Variants in EFCAB13 observed in about 807,000 individuals in gnomAD.
The protein encoded by EFCAB13 is EF-hand calcium binding domain 13, also known as EF-hand calcium-binding domain-containing protein 13.
EFCAB13 carries 91 observed loss-of-function variants against 110.2 expected under a neutral mutation model. The observed-to-expected ratio is 0.83, with a 90% CI of 0.70 to 0.98. The LOEUF is 0.98. Ranked by LOEUF, EFCAB13 falls within the 50% of genes least tolerant of loss-of-function variation. EFCAB13 has a pLI of 0.00. For synonymous variants in EFCAB13, 323 were observed against 369.9 expected, an observed-to-expected ratio of 0.87 and a Z score of 1.45; for missense variants, 968 against 1,119.4, an observed-to-expected ratio of 0.86 and a Z score of 1.93.
rs1293291675 is a variant in EFCAB13, at chr17:47,402,121, T to C, written c.1946-11T>C. 9 of 1,613,294 alleles carry C rather than the reference T, an allele frequency of 5.6e-6. No individual in the cohort carries two copies. The East Asian group carries it at 2.0e-4, about 36-fold the overall frequency. On this transcript the variant is annotated splice_polypyrimidine_tract_variant and intron_variant, in intron 17 of 24. Coordinates refer to ENST00000331493, the MANE Select transcript of EFCAB13 (RefSeq NM_152347.5). The stretch of plus-strand genomic sequence containing the variant: ...ATGAGGTTGGTCTATTAAAAGTGTT[T>C]TTTCTCACAGAAGGTGACAAAGTAC...
chr17:47,346,998 C>T (rs2065420678), intron 8 of EFCAB13, among the ~76,000 whole-genome samples: 1 of 152,124 alleles, frequency 6.6e-6, no homozygotes, highest in Non-Finnish European at 1.5e-5. Flanking sequence ...GTGGCTCATG[C>T]CTGTATTCCC....
At chr17:47,378,546 G>C (rs1343314428) in intron 13 of EFCAB13, among the ~76,000 whole-genome samples, 1 of 152,076 alleles carries the variant, frequency 6.6e-6, no homozygotes, top group East Asian at 1.9e-4. Context: ...CTCAGAATCT[G>C]GGCACAATTT....
intron 8 of EFCAB13, among the ~76,000 whole-genome samples, chr17:47,347,474 A>C (rs958520259): frequency 2.6e-5 from 4 of 152,172 alleles, no homozygotes; most frequent in Non-Finnish European, 4.4e-5. Flanking sequence ...ACATGCAAGC[A>C]ATCATAATAC....
chr17:47,438,498 C>CTTTT (rs112384926), intron 24 of EFCAB13, among the ~76,000 whole-genome samples: 4 of 142,334 alleles, frequency 2.8e-5, no homozygotes, highest in Admixed American at 7.0e-5. Context: ...TAGTCTTATT[C>CTTTT]TTTTTTTTTT....
intron 22 of EFCAB13, 129 bp downstream of exon 22, chr17:47,413,045 A>T (rs1024461555): frequency 1.1e-4 from 91 of 827,496 alleles, no homozygotes; most frequent in Non-Finnish European, 1.5e-4. Flanking sequence ...GGTTGATACA[A>T]ATTAGAGCCA....
Position 47,403,825 on chromosome 17 carries a change from G to A in EFCAB13, c.2018-53G>A, listed in dbSNP as rs150094524. 3.3e-4 allele frequency: 502 copies of A among 1,504,106 alleles called. No homozygotes were observed. In the African/African-American group the frequency reaches 6.3e-3, roughly 19 times the overall value. 93.2% of individuals were successfully genotyped at this position (1,504,106 alleles called of 1,614,324 possible). ...AAACTATGGATTTCCACTAACAAAT[G>A]TCTTGAGTGATGGCTACTGCTTTTT... On this transcript the variant is annotated intron_variant, in intron 18 of 24. Coordinates refer to ENST00000331493, the MANE Select transcript of EFCAB13 (RefSeq NM_152347.5).
intron 20 of EFCAB13, chr17:47,409,188 T>G (rs2065820764): frequency 6.5e-6 from 1 of 154,214 alleles, no homozygotes; most frequent in Admixed American, 6.3e-5. Flanking sequence ...AGGAAGTATG[T>G]GGAGTGAATG....
intron 3 of EFCAB13, among the ~76,000 whole-genome samples, chr17:47,327,103 A>G (rs1014515811): frequency 1.3e-5 from 2 of 152,238 alleles, no homozygotes; most frequent in South Asian, 2.1e-4. Flanking sequence ...TCACATTTGC[A>G]TAATGTGAAA....
At chr17:47,398,348 C>G (rs1378740300) in intron 17 of EFCAB13, among the ~76,000 whole-genome samples, 3 of 150,828 alleles carry the variant, frequency 2.0e-5, no homozygotes, top group African/African-American at 4.9e-5. Flanking sequence ...GCCACCACCC[C>G]GTCTGGGAGG....
chr17:47,391,328 G>A lies in EFCAB13; in HGVS notation c.1583-109G>A, dbSNP rs115691519. On this transcript the variant is annotated intron_variant, in intron 14 of 24. Transcript: ENST00000331493. ...GCTTTTAGTATATAACACTGCTGAAGTGATTTATATTTTTGTTAATTTAGT... is the reference window on the plus strand; with the variant it reads ...GCTTTTAGTATATAACACTGCTGAAATGATTTATATTTTTGTTAATTTAGT... The A allele has an allele frequency of 6.9e-4, 536 of 776,976 alleles. 1 individual carries two copies. In the African/African-American group the frequency reaches 9.1e-3, roughly 13 times the overall value. The allele number at this position is 776,976 out of a possible 1,614,324, so 48.1% of individuals were successfully genotyped here. A position where few individuals can be genotyped will look rare whatever the true frequency, so the allele number is the denominator to read the frequency against.
At chr17:47,430,330 G>A in intron 24 of EFCAB13, 1 of 510,868 alleles carries the variant, frequency 2.0e-6, no homozygotes, top group Non-Finnish European at 2.5e-6. Context: ...ATACCAGGGG[G>A]TGTTGCACAT....
chr17:47,328,524 T>A, intron 4 of EFCAB13, 141 bp downstream of exon 4: 1 of 663,268 alleles, frequency 1.5e-6, no homozygotes, highest in Non-Finnish European at 2.6e-6. Flanking sequence ...AGATGATGTT[T>A]GAGTCATTTT....
intron 10 of EFCAB13, among the ~76,000 whole-genome samples, chr17:47,364,437 C>T (rs2065534388): frequency 2.0e-5 from 3 of 151,920 alleles, no homozygotes; most frequent in Admixed American, 6.6e-5. Context: ...CCTCAGCCTC[C>T]GAGTAGCTGG....
At chr17:47,424,896 T>TTTTTTTTTGTTTTGTTTTG (rs1567807243) in intron 23 of EFCAB13, among the ~76,000 whole-genome samples, 1 of 84,482 alleles carries the variant, frequency 1.2e-5, no homozygotes, top group African/African-American at 6.0e-5. Flanking sequence ...TTTTTTTTTT[T>TTTTTTTTTGTTTTGTTTTG]TTTTGAGACG....
At chr17:47,356,856 C>G (rs2065483309) in intron 9 of EFCAB13, among the ~76,000 whole-genome samples, 1 of 152,122 alleles carries the variant, frequency 6.6e-6, no homozygotes, top group African/African-American at 2.4e-5. Flanking sequence ...TCAGGTGGGG[C>G]AGGTTAGGCA....
chr17:47,407,542 C>CT (rs1261950922), intron 20 of EFCAB13, among the ~76,000 whole-genome samples: 1 of 151,976 alleles, frequency 6.6e-6, no homozygotes, highest in African/African-American at 2.4e-5. Flanking sequence ...TTGAATGAGA[C>CT]TATCAATACA....
At chr17:47,430,603 A>G (rs1157234764) in intron 24 of EFCAB13, 2 of 152,114 alleles carry the variant, frequency 1.3e-5, no homozygotes, top group East Asian at 1.9e-4. Flanking sequence ...TTAACAAGGT[A>G]TTCTATTTTC....
intron 17 of EFCAB13, among the ~76,000 whole-genome samples, chr17:47,401,723 C>A (rs894688495): frequency 1.4e-5 from 2 of 145,978 alleles, no homozygotes; most frequent in African/African-American, 5.1e-5. Context: ...TGGCTCACAG[C>A]AACCTCCACC....
At chr17:47,335,498 A>G (rs1310629968) in intron 5 of EFCAB13, 142 bp downstream of exon 5, 1 of 635,596 alleles carries the variant, frequency 1.6e-6, no homozygotes. Context: ...TTTCAGTAGC[A>G]TAATTTTAAC....
Sources: gnomAD v4.1 joint callset for allele counts (sites outside exome capture counted in the v4.1 genomes callset) on GRCh38, gnomAD v4.1.1 for gene constraint, MANE v1.5 for transcripts, NCBI Gene and HGNC (gene_info 2026-07-23, HGNC 2026-07-21) for gene names.